TBC1D5: variants seen among roughly 807,000 people sequenced by gnomAD.
TBC1D5 encodes TBC1 domain family member 5.
In TBC1D5, 75 loss-of-function variants were observed where a neutral mutation model predicts 100.3. That is an observed-to-expected ratio of 0.75 (90% confidence interval 0.62 to 0.91). The LOEUF is 0.91. TBC1D5 is among the 40% of genes least tolerant of loss of function. TBC1D5 has a pLI of 0.00. For missense variants in TBC1D5, 910 were observed against 942.4 expected, an observed-to-expected ratio of 0.97 and a Z score of 0.45; for synonymous variants, 323 against 325.6, an observed-to-expected ratio of 0.99 and a Z score of 0.09.
intron 8 of TBC1D5, among the ~76,000 whole-genome samples, chr3:17,393,009 C>G (rs939410572): frequency 7.3e-6 from 1 of 137,046 alleles, no homozygotes; most frequent in Non-Finnish European, 1.5e-5. Flanking sequence ...CACATCCTCT[C>G]CAGCATCTAT....
rs1373172136 is a variant in TBC1D5, at chr3:17,686,402, T to C, written c.-101+52941A>G. On this transcript the variant is annotated intron_variant, in intron 1 of 21. Transcript: ENST00000253692. Reference sequence around the variant, plus strand: ...ACTTTGTGATAGGTTTTTGACACACTGAAGGGACTACATTAAAACAATATA... The same window carrying C: ...ACTTTGTGATAGGTTTTTGACACACCGAAGGGACTACATTAAAACAATATA... 3.3e-5 allele frequency among the ~76,000 whole-genome samples: 5 copies of C among 152,190 alleles called. No homozygotes were observed. In the South Asian group the frequency reaches 8.3e-4, roughly 25 times the overall value.
intron 21 of TBC1D5, among the ~76,000 whole-genome samples, chr3:17,162,182 CCT>C (rs1333898160): frequency 3.3e-5 from 5 of 152,198 alleles, no homozygotes; most frequent in Non-Finnish European, 5.9e-5. Flanking sequence ...CCTCCCTCAC[CCT>C]GTCTGCCTAC....
At chr3:17,737,238 T>C (rs561560647) in intron 1 of TBC1D5, among the ~76,000 whole-genome samples, 1 of 152,320 alleles carries the variant, frequency 6.6e-6, no homozygotes, top group East Asian at 1.9e-4. Context: ...GGTCTAGTTA[T>C]TCTGAAGACT....
chr3:17,680,068 T>C (rs971314798), intron 1 of TBC1D5, among the ~76,000 whole-genome samples: 4 of 151,458 alleles, frequency 2.6e-5, no homozygotes, highest in South Asian at 2.1e-4. Context: ...GTGGAAACAA[T>C]AGAAAAAAGT....
At chr3:17,737,142 T>C (rs2077023042) in intron 1 of TBC1D5, among the ~76,000 whole-genome samples, 1 of 152,190 alleles carries the variant, frequency 6.6e-6, no homozygotes, top group Middle Eastern at 3.2e-3. Flanking sequence ...TATGTGCTTA[T>C]TCCAACTCCA....
chr3:17,727,450 T>C (rs1277173249), intron 1 of TBC1D5, among the ~76,000 whole-genome samples: 1 of 151,968 alleles, frequency 6.6e-6, no homozygotes, highest in East Asian at 1.9e-4. Flanking sequence ...AGATAATAAA[T>C]AAAGGAGAAC....
intron 13 of TBC1D5, among the ~76,000 whole-genome samples, chr3:17,362,392 T>C (rs1445389467): frequency 2.6e-5 from 4 of 152,098 alleles, no homozygotes; most frequent in East Asian, 3.9e-4. Context: ...AATGGACTTG[T>C]ATCCAGAATA....
intron 17 of TBC1D5, among the ~76,000 whole-genome samples, chr3:17,223,922 A>G (rs935013456): frequency 6.6e-6 from 1 of 151,920 alleles, no homozygotes; most frequent in Non-Finnish European, 1.5e-5. Flanking sequence ...AAACAAAACA[A>G]AACAAAACAA....
chr3:17,641,665 C>T (rs2064521709), intron 1 of TBC1D5, among the ~76,000 whole-genome samples: 1 of 152,060 alleles, frequency 6.6e-6, no homozygotes, highest in African/African-American at 2.4e-5. Flanking sequence ...ATAAGGCCAC[C>T]TATGTAACAT....
At chr3:17,482,111 G>C (rs2095509212) in intron 3 of TBC1D5, among the ~76,000 whole-genome samples, 2 of 152,230 alleles carry the variant, frequency 1.3e-5, no homozygotes, top group East Asian at 3.9e-4. Flanking sequence ...GAACACAATT[G>C]TCTGAGCATT....
chr3:17,404,301 T>C (rs2093714608), intron 7 of TBC1D5, among the ~76,000 whole-genome samples: 1 of 151,978 alleles, frequency 6.6e-6, no homozygotes, highest in South Asian at 2.1e-4. Context: ...CTACAAAGGG[T>C]TACTTCTTTC....
chr3:17,704,982 G>A (rs2073840849), intron 1 of TBC1D5, among the ~76,000 whole-genome samples: 1 of 124,550 alleles, frequency 8.0e-6, no homozygotes, highest in African/African-American at 3.0e-5. Flanking sequence ...CCCAGACGGG[G>A]CGGCTGGCCG....
intron 3 of TBC1D5, among the ~76,000 whole-genome samples, chr3:17,442,879 G>A (rs1444923916): frequency 1.3e-5 from 2 of 151,906 alleles, no homozygotes; most frequent in East Asian, 1.9e-4. Context: ...AAGGGGAGAG[G>A]AGAGGGAGAA....
At chr3:17,273,598 G>C (rs1339493248) in intron 15 of TBC1D5, among the ~76,000 whole-genome samples, 1 of 152,016 alleles carries the variant, frequency 6.6e-6, no homozygotes, top group Non-Finnish European at 1.5e-5. Context: ...CCTGAGGTCA[G>C]GTGTTCGAGA....
intron 1 of TBC1D5, among the ~76,000 whole-genome samples, chr3:17,645,281 G>A (rs535753834): frequency 6.6e-4 from 101 of 152,170 alleles, no homozygotes; most frequent in Non-Finnish European, 1.1e-3. Flanking sequence ...ACCAGCAGGG[G>A]GAGATACAGA....
At chr3:17,188,068 T>C (rs184561091) in intron 18 of TBC1D5, among the ~76,000 whole-genome samples, 13 of 152,320 alleles carry the variant, frequency 8.5e-5, no homozygotes, top group African/African-American at 2.9e-4. Flanking sequence ...GCACAGCCTG[T>C]TGGCAGTGAG....
At chr3:17,578,015 A>T (rs1325984543) in intron 2 of TBC1D5, among the ~76,000 whole-genome samples, 2 of 152,010 alleles carry the variant, frequency 1.3e-5, no homozygotes, top group Non-Finnish European at 2.9e-5. Context: ...ACTGCACCAG[A>T]TGTGCACAAT....
intron 1 of TBC1D5, chr3:17,672,541 C>T (rs2068059558): frequency 6.6e-6 from 1 of 152,144 alleles, no homozygotes; most frequent in African/African-American, 2.4e-5. Flanking sequence ...TAGAAAACAC[C>T]TACTTTTTAA....
At chr3:17,530,595 C>A (rs763732950) in intron 2 of TBC1D5, among the ~76,000 whole-genome samples, 3 of 152,196 alleles carry the variant, frequency 2.0e-5, no homozygotes, top group Non-Finnish European at 2.9e-5. Flanking sequence ...AAAGCTTTTA[C>A]TTGAATAGTT....
Sources: allele counts gnomAD v4.1 joint callset (sites outside exome capture counted in the v4.1 genomes callset), GRCh38; gene constraint gnomAD v4.1.1; transcripts MANE v1.5; gene names NCBI Gene and HGNC (gene_info 2026-07-23, HGNC 2026-07-21).